The following ATXN10 variants were observed in gnomAD, a reference collection of about 807,000 sequenced individuals.
ATXN10 encodes ataxin-10.
ATXN10 carries 28 observed loss-of-function variants against 52.9 expected under a neutral mutation model. The ratio of observed to expected loss-of-function variants is 0.53; its 90% confidence interval spans 0.39 to 0.73. The LOEUF (loss-of-function observed/expected upper bound fraction) is 0.73. Ranked by LOEUF, ATXN10 falls within the 30% of genes least tolerant of loss-of-function variation. ATXN10 has a pLI of 0.00. For synonymous variants in ATXN10, 226 were observed against 221.5 expected (o/e 1.02, Z -0.18); for missense variants, 565 against 577.0 (o/e 0.98, Z 0.21).
intron 9 of ATXN10, among the ~76,000 whole-genome samples, chr22:45,800,508 G>C (rs948101077): frequency 1.5e-5 from 1 of 67,838 alleles, no homozygotes; most frequent in African/African-American, 8.0e-5. Flanking sequence ...ATGTAAAATG[G>C]TACAACTACT....
chr22:45,671,991 C>T lies in ATXN10; in HGVS notation c.-73C>T, dbSNP rs1227439391. On this transcript the variant is annotated 5_prime_UTR_variant, in exon 1 of 12. Coordinates refer to ENST00000252934, the MANE Select transcript of ATXN10 (RefSeq NM_013236.4). ...CTCCTCGCCATCCTACTCCTCCCTC[C>T]TCGTCATCCTCCCCCTTCGTCCTCC... The T allele has an allele frequency of 8.0e-6, 12 of 1,493,372 alleles. No individual in the cohort carries two copies. The highest frequency in any genetic ancestry group is 1.1e-5 in the Non-Finnish European group (12 of 1,112,804). The allele number at this position is 1,493,372 out of a possible 1,614,324, so 92.5% of individuals were successfully genotyped here. A position where few individuals can be genotyped will look rare whatever the true frequency, so the allele number is the denominator to read the frequency against.
chr22:45,799,495 A>C (rs1927863402), intron 9 of ATXN10, among the ~76,000 whole-genome samples: 1 of 152,224 alleles, frequency 6.6e-6, no homozygotes, highest in African/African-American at 2.4e-5. Context: ...AATTGGGCAC[A>C]GATGACACAC....
chr22:45,693,970 T>G (rs116254342), intron 3 of ATXN10, among the ~76,000 whole-genome samples: 323 of 152,334 alleles, frequency 2.1e-3, no homozygotes, highest in Middle Eastern at 6.8e-3. Flanking sequence ...TTAATATTTA[T>G]GAATGTGACA....
intron 9 of ATXN10, among the ~76,000 whole-genome samples, chr22:45,796,700 G>A (rs1927752812): frequency 6.6e-6 from 1 of 152,180 alleles, no homozygotes; most frequent in Non-Finnish European, 1.5e-5. Context: ...GTTTCACCGT[G>A]TTGGTCAGAC....
rs140005971 is a variant in ATXN10, at chr22:45,796,183, A to G, written c.1174-10776A>G. Among the ~76,000 whole-genome samples, 969 of 152,306 alleles carry G rather than the reference A, an allele frequency of 6.4e-3. 7 individuals carry two copies. Among genetic ancestry groups the G allele is most frequent in the South Asian group, 0.015 (71 of 4,828 alleles). ...CGCTCAGGGAGTGTCTGTCTTATGC[A>G]GTTGTAGATAAGGGATGAAATACTC... On this transcript the variant is annotated intron_variant, in intron 9 of 11. Coordinates refer to ENST00000252934, the MANE Select transcript of ATXN10 (RefSeq NM_013236.4).
chr22:45,689,625 A>G lies in ATXN10; in HGVS notation c.117-87A>G, dbSNP rs185296433. The G allele has an allele frequency of 1.5e-4, 177 of 1,178,742 alleles. No homozygotes were observed. In the African/African-American group the frequency reaches 2.1e-3, roughly 14 times the overall value. The allele number at this position is 1,178,742 out of a possible 1,614,324, so 73.0% of individuals were successfully genotyped here. ...GATAAACGTAGCGTACCTCCCCACA[A>G]TAGTAGATAAAAGCAGTTTTCTGAA... On this transcript the variant is annotated intron_variant, in intron 1 of 11. Coordinates refer to ENST00000252934, the MANE Select transcript of ATXN10 (RefSeq NM_013236.4).
rs763732102 is a variant in ATXN10 at position 45,740,354 on chromosome 22, C to T, written c.1004-15C>T. ...ACTTTTCTGTGGAAAATGAAGTTTA[C>T]TCTTTTGGTTATAGATCTTTTGCGG... On this transcript the variant is annotated splice_polypyrimidine_tract_variant and intron_variant, in intron 8 of 11. Coordinates refer to ENST00000252934, the MANE Select transcript of ATXN10 (RefSeq NM_013236.4). The T allele has an allele frequency of 9.3e-6, 15 of 1,613,642 alleles. No homozygotes were observed. The highest frequency in any genetic ancestry group is 1.3e-5 in the Non-Finnish European group (15 of 1,179,698).
In ATXN10 at chr22:45,681,307, C is replaced by G; in HGVS notation, c.117-8405C>G. ...CCATCTCAGACACACATTGCCATAC[C>G]TTACTTAGACTTTATCCATAACTGT... On this transcript the variant is annotated intron_variant, in intron 1 of 11. Coordinates refer to ENST00000252934, the MANE Select transcript of ATXN10 (RefSeq NM_013236.4). The surrounding 1 kb of genome is among the most constrained non-coding windows in gnomAD (Gnocchi z 4.2). 6.6e-6 allele frequency among the ~76,000 whole-genome samples: 1 copy of G among 152,136 alleles called. No homozygotes were observed. Among genetic ancestry groups the G allele is most frequent in the East Asian group, 1.9e-4 (1 of 5,190 alleles).
chr22:45,777,746 G>C (rs149821882), intron 9 of ATXN10, among the ~76,000 whole-genome samples: 198 of 152,332 alleles, frequency 1.3e-3, no homozygotes, highest in African/African-American at 4.6e-3. Context: ...CTCCGCACCT[G>C]CCTGTTCACT....
rs932590326 is a variant in ATXN10, at chr22:45,826,651, G to GA, written c.1238-16334dup. Among the ~76,000 whole-genome samples the GA allele has an allele frequency of 6.6e-6, 1 of 152,144 alleles. No individual in the cohort carries two copies. Among genetic ancestry groups the GA allele is most frequent in the Non-Finnish European group, 1.5e-5 (1 of 68,004 alleles). Reference sequence around the variant, plus strand: ...GGCCAAAATGTTCAAAGTGCAAAAAGAAAAAACTGTCAACTAAGAATCGTT... The same window carrying GA: ...GGCCAAAATGTTCAAAGTGCAAAAAGAAAAAAACTGTCAACTAAGAATCGTT... On this transcript the variant is annotated intron_variant, in intron 10 of 11. Transcript: ENST00000252934. The surrounding 1 kb of genome is among the most constrained non-coding windows in gnomAD (Gnocchi z 5.0).
chr22:45,820,506 A>G lies in ATXN10; in HGVS notation c.1237+13484A>G, dbSNP rs1928611624. 6.6e-6 allele frequency among the ~76,000 whole-genome samples: 1 copy of G among 152,150 alleles called. No individual in the cohort carries two copies. Among genetic ancestry groups the G allele is most frequent in the Admixed American group, 6.5e-5 (1 of 15,286 alleles). ...TTCTGCCTGGAGTTGACTGCTTCTT[A>G]TGGAGTGAGATGGGGTGGCTGGAGG... On this transcript the variant is annotated intron_variant, in intron 10 of 11. Transcript: ENST00000252934. The surrounding 1 kb of genome is among the most constrained non-coding windows in gnomAD (Gnocchi z 4.9).
At chr22:45,748,295 C>G (rs1440791745) in intron 9 of ATXN10, among the ~76,000 whole-genome samples, 1 of 152,176 alleles carries the variant, frequency 6.6e-6, no homozygotes, top group African/African-American at 2.4e-5. Flanking sequence ...CTAGTTCATT[C>G]CAGTGTCTCC....
intron 1 of ATXN10, chr22:45,673,526 A>G (rs1922558128): frequency 6.6e-6 from 1 of 152,240 alleles, no homozygotes; most frequent in African/African-American, 2.4e-5. Flanking sequence ...CTGTATCATG[A>G]TGGACCCTCC....
chr22:45,691,622 G>GC (rs1923380466), intron 2 of ATXN10, among the ~76,000 whole-genome samples: 1 of 152,220 alleles, frequency 6.6e-6, no homozygotes, highest in African/African-American at 2.4e-5. Context: ...TGGGCCAGGC[G>GC]CGGTGGCTCA....
In ATXN10 at chr22:45,770,432, C is replaced by A. The variant is rs1926736684; in HGVS notation, c.1173+29894C>A. ...GATGAATATACACACTAATGGGACA[C>A]ACACGTGTGTTTCTGTGTCTGTGAA... On this transcript the variant is annotated intron_variant, in intron 9 of 11. Coordinates refer to ENST00000252934, the MANE Select transcript of ATXN10 (RefSeq NM_013236.4). The surrounding 1 kb of genome is among the most constrained non-coding windows in gnomAD (Gnocchi z 4.5). Among the ~76,000 whole-genome samples, 2 of 152,202 alleles carry A rather than the reference C, an allele frequency of 1.3e-5. No individual in the cohort carries two copies. Among genetic ancestry groups the A allele is most frequent in the African/African-American group, 2.4e-5 (1 of 41,444 alleles).
intron 9 of ATXN10, among the ~76,000 whole-genome samples, chr22:45,767,559 A>T (rs1473397071): frequency 2.0e-5 from 3 of 152,160 alleles, no homozygotes; most frequent in African/African-American, 7.2e-5. Flanking sequence ...GGTGGAATAG[A>T]CAGGGATAGA....
At chr22:45,791,245 A>G (rs1006899312) in intron 9 of ATXN10, among the ~76,000 whole-genome samples, 1 of 152,208 alleles carries the variant, frequency 6.6e-6, no homozygotes, top group Non-Finnish European at 1.5e-5. Context: ...ACATCATTCT[A>G]GTTCCTCTTT....
At position 45,690,023 on chromosome 22, in the gene ATXN10, A is replaced by T; in HGVS notation, c.308+120A>T. On this transcript the variant is annotated intron_variant, in intron 2 of 11. Transcript: ENST00000252934. This position sits in a 1 kb window ranked among gnomAD's most constrained non-coding sequence, Gnocchi z 4.5. ...TAAGGTGGCTCATGCCTGTAATCCC[A>T]GCATTTTGGGAGGCTGAGGCAGGAG... 1 of 1,035,428 alleles carries T rather than the reference A, an allele frequency of 9.7e-7. No homozygotes were observed. The highest frequency in any genetic ancestry group is 1.3e-5 in the South Asian group (1 of 74,976). 64.1% of individuals were successfully genotyped at this position (1,035,428 alleles called of 1,614,324 possible).
At chr22:45,751,668 G>A (rs1925955296) in intron 9 of ATXN10, among the ~76,000 whole-genome samples, 1 of 149,346 alleles carries the variant, frequency 6.7e-6, no homozygotes, top group East Asian at 2.0e-4. Context: ...ATCTCCCCAG[G>A]CTTCGTTTTC....
Sources: allele counts gnomAD v4.1 joint callset (sites outside exome capture counted in the v4.1 genomes callset), GRCh38; gene constraint gnomAD v4.1.1; non-coding constraint Gnocchi (gnomAD v3.1); transcripts MANE v1.5; gene names NCBI Gene and HGNC (gene_info 2026-07-23, HGNC 2026-07-21).